Variants in BFSP2 observed in about 807,000 individuals in gnomAD.
BFSP2 encodes the protein phakinin.
Under a neutral mutation model 44.9 loss-of-function variants are expected in BFSP2, and 38 were observed. That is an observed-to-expected ratio of 0.85 (90% CI 0.65 to 1.11). The LOEUF (loss-of-function observed/expected upper bound fraction) is 1.11, where lower values mean the gene tolerates loss of function less well. BFSP2 is among the 50% of genes least tolerant of loss of function. The pLI is 0.00. For missense variants in BFSP2, 525 were observed against 533.0 expected (o/e 0.99, Z 0.15); for synonymous variants, 197 against 209.9 (o/e 0.94, Z 0.53).
chr3:133,461,628 C>G (rs1419163300), intron 4 of BFSP2, among the ~76,000 whole-genome samples: 1 of 152,124 alleles, frequency 6.6e-6, no homozygotes, highest in East Asian at 1.9e-4. Context: ...CCAGAAAGCA[C>G]AAATCTAAAA....
intron 1 of BFSP2, among the ~76,000 whole-genome samples, chr3:133,440,808 G>A (rs1004045457): frequency 2.0e-5 from 3 of 152,090 alleles, no homozygotes; most frequent in Non-Finnish European, 2.9e-5. Context: ...CTACAATGAC[G>A]TTCCTTCCCA....
intron 6 of BFSP2, among the ~76,000 whole-genome samples, chr3:133,473,119 T>G (rs1452718026): frequency 6.6e-6 from 1 of 152,100 alleles, no homozygotes; most frequent in Non-Finnish European, 1.5e-5. Context: ...ATGCAGATTC[T>G]GCTTCAGTAC....
intron 4 of BFSP2, among the ~76,000 whole-genome samples, chr3:133,451,643 T>G (rs935006657): frequency 2.6e-5 from 4 of 152,252 alleles, no homozygotes; most frequent in African/African-American, 9.6e-5. Flanking sequence ...AGAAAAAATT[T>G]TAGAAAGAAA....
chr3:133,472,440 G>C lies in BFSP2; in HGVS notation c.1119G>C (p.Glu373Asp). ...CTGTGGTCGGCCGGCTGGAGGCGGAGCTCAGGGAAATCCGAGCGGAGGCGG... is the reference window on the plus strand; with the variant it reads ...CTGTGGTCGGCCGGCTGGAGGCGGACCTCAGGGAAATCCGAGCGGAGGCGG... The part of the protein sequence containing the change: ...LGAVVGRLEA[E>D]LREIRAEAEQ... Residue 373 changes from glutamate (E) to aspartate (D), a missense_variant, in exon 6 of 7, where the codon GAG becomes GAC. Transcript: ENST00000302334. The C allele has an allele frequency of 1.2e-6, 2 of 1,614,142 alleles. No homozygotes were observed. The highest frequency in any genetic ancestry group is 1.7e-6 in the Non-Finnish European group (2 of 1,180,012).
Position 133,426,926 on chromosome 3 carries a change from G to T in BFSP2, c.490-20391G>T, listed in dbSNP as rs79134908. On this transcript the variant is annotated intron_variant, in intron 1 of 6. Transcript: ENST00000302334. ...ATGACATAGCTTCATGTCCAGTACT[G>T]AGTGGGAGATGGAAAGCATGCATTT... is the stretch of plus-strand genomic sequence containing the variant. Among the ~76,000 whole-genome samples, 55 of 152,322 alleles carry T rather than the reference G, an allele frequency of 3.6e-4. No homozygotes were observed. In the East Asian group the frequency reaches 7.3e-3, roughly 20 times the overall value.
At chr3:133,449,322 T>C (rs527941931) in intron 3 of BFSP2, 1 of 152,516 alleles carries the variant, frequency 6.6e-6, no homozygotes, top group South Asian at 2.1e-4. Flanking sequence ...ACAGTAACCA[T>C]TTAGAGATGC....
intron 4 of BFSP2, among the ~76,000 whole-genome samples, chr3:133,454,165 T>G (rs947345401): frequency 1.3e-5 from 2 of 152,164 alleles, no homozygotes; most frequent in East Asian, 3.8e-4. Context: ...AAAACAACTT[T>G]TTTTTTAAGT....
At chr3:133,436,118 C>T (rs1249650598) in intron 1 of BFSP2, among the ~76,000 whole-genome samples, 1 of 152,014 alleles carries the variant, frequency 6.6e-6, no homozygotes, top group Non-Finnish European at 1.5e-5. Flanking sequence ...AATCTCAGCA[C>T]TTTTGGAGGC....
At chr3:133,411,154 T>A (rs2107880961) in intron 1 of BFSP2, among the ~76,000 whole-genome samples, 1 of 136,104 alleles carries the variant, frequency 7.3e-6, no homozygotes, top group South Asian at 2.3e-4. Flanking sequence ...TAGATTGAAA[T>A]CCATCAAATA....
intron 1 of BFSP2, among the ~76,000 whole-genome samples, chr3:133,439,182 T>C (rs1002088067): frequency 4.6e-5 from 7 of 152,188 alleles, no homozygotes; most frequent in South Asian, 4.1e-4. Flanking sequence ...AATATTTTGG[T>C]TTGGTCTGTT....
chr3:133,463,743 C>T (rs2074085251), intron 4 of BFSP2, among the ~76,000 whole-genome samples: 1 of 152,158 alleles, frequency 6.6e-6, no homozygotes, highest in Non-Finnish European at 1.5e-5. Flanking sequence ...AGGGAGACTG[C>T]TTTTCCCTGC....
At chr3:133,429,206 G>T (rs1254282189) in intron 1 of BFSP2, 1 of 151,088 alleles carries the variant, frequency 6.6e-6, no homozygotes, top group African/African-American at 2.4e-5. Context: ...GGACTATTTT[G>T]CATTATTTTA....
chr3:133,432,614 C>T (rs995260215), intron 1 of BFSP2, among the ~76,000 whole-genome samples: 5 of 152,148 alleles, frequency 3.3e-5, no homozygotes, highest in Non-Finnish European at 5.9e-5. Context: ...TTTGAATCTT[C>T]TCAACAAGAC....
At chr3:133,412,491 G>C (rs760095438) in intron 1 of BFSP2, 2 of 152,270 alleles carry the variant, frequency 1.3e-5, no homozygotes, top group Admixed American at 6.5e-5. Flanking sequence ...AAAGAGCAGG[G>C]TATTGATTAG....
chr3:133,417,194 C>G, intron 1 of BFSP2, among the ~76,000 whole-genome samples: 1 of 139,754 alleles, frequency 7.2e-6, no homozygotes, highest in Admixed American at 7.0e-5. Flanking sequence ...CTATCCACCC[C>G]TCTAGTCACC....
At chr3:133,438,857 G>A (rs73211877) in intron 1 of BFSP2, among the ~76,000 whole-genome samples, 2 of 152,056 alleles carry the variant, frequency 1.3e-5, no homozygotes, top group Non-Finnish European at 2.9e-5. Flanking sequence ...GTGGAGGGAT[G>A]GGGGGGTCAT....
At chr3:133,437,133 G>A (rs899222471) in intron 1 of BFSP2, among the ~76,000 whole-genome samples, 2 of 152,168 alleles carry the variant, frequency 1.3e-5, no homozygotes, top group African/African-American at 4.8e-5. Flanking sequence ...TAATGGGATG[G>A]CTGGGTCAAA....
rs538284996 is a variant in BFSP2, at chr3:133,468,788, T to A, written c.1023+1829T>A. Among the ~76,000 whole-genome samples, 3 of 152,256 alleles carry A rather than the reference T, an allele frequency of 2.0e-5. No individual in the cohort carries two copies. In the South Asian group the frequency reaches 6.2e-4, roughly 32 times the overall value. On this transcript the variant is annotated intron_variant, in intron 5 of 6. Transcript: ENST00000302334. ...TAAATTCAACTTCTTGATGAGACAA[T>A]GGCAAGGTCACATTGAGAAAGCGAT... is the stretch of plus-strand genomic sequence containing the variant.
At position 133,457,955 on chromosome 3, in the gene BFSP2, G is replaced by A. The variant is rs536557698; in HGVS notation, c.891+7491G>A. Among the ~76,000 whole-genome samples the A allele has an allele frequency of 8.7e-4, 133 of 152,224 alleles. 1 individual carries two copies. The highest frequency in any genetic ancestry group is 3.2e-3 in the African/African-American group (132 of 41,526). ...ATTAGAAGAAATTAGTCACTAACAT[G>A]GTATACCTCTCATTTCCATATATAG... is the stretch of plus-strand genomic sequence containing the variant. On this transcript the variant is annotated intron_variant, in intron 4 of 6. Transcript: ENST00000302334.
Sources: gnomAD v4.1 joint callset for allele counts (sites outside exome capture counted in the v4.1 genomes callset) on GRCh38, gnomAD v4.1.1 for gene constraint, MANE v1.5 for transcripts, NCBI Gene and HGNC (gene_info 2026-07-23, HGNC 2026-07-21) for gene names.